The following LRRC4C variants were observed in gnomAD, a reference collection of about 807,000 sequenced individuals.
LRRC4C encodes the protein leucine rich repeat containing 4C, also known as leucine-rich repeat-containing protein 4C.
Under a neutral mutation model 33.6 loss-of-function variants are expected in LRRC4C, and 5 were observed. That is an observed-to-expected ratio of 0.15 (90% CI 0.08 to 0.31). LRRC4C has a LOEUF of 0.31. Among genes scored for constraint, LRRC4C ranks in the 10% least tolerant of loss-of-function variants. The probability of loss-of-function intolerance (pLI) is 1.00; values close to 1 mark genes in which losing one functional copy is unlikely to be tolerated. For missense variants in LRRC4C, 560 were observed against 796.7 expected (o/e 0.70, Z 3.58); for synonymous variants, 329 against 302.0 (o/e 1.09, Z -0.93).
intron 3 of LRRC4C, among the ~76,000 whole-genome samples, chr11:40,463,109 T>C (rs1952481717): frequency 6.6e-6 from 1 of 152,102 alleles, no homozygotes. Context: ...TGCTGACCAA[T>C]CCCTGGAGCC....
At chr11:40,693,461 G>A (rs1460264200) in intron 2 of LRRC4C, among the ~76,000 whole-genome samples, 1 of 152,120 alleles carries the variant, frequency 6.6e-6, no homozygotes, top group African/African-American at 2.4e-5. Flanking sequence ...TCTGAATGAA[G>A]CAAAGTACAT....
intron 3 of LRRC4C, among the ~76,000 whole-genome samples, chr11:40,367,084 G>T (rs914931164): frequency 6.6e-6 from 1 of 151,994 alleles, no homozygotes; most frequent in African/African-American, 2.4e-5. Context: ...TTTAATACCT[G>T]CATCCTCATT....
intron 1 of LRRC4C, among the ~76,000 whole-genome samples, chr11:41,142,740 G>A (rs1943563730): frequency 6.6e-6 from 1 of 152,112 alleles, no homozygotes; most frequent in Admixed American, 6.6e-5. Flanking sequence ...AGTGCTCTAT[G>A]TTTTGATGCA....
At chr11:41,193,612 TC>T (rs1389838587) in intron 1 of LRRC4C, among the ~76,000 whole-genome samples, 1 of 152,096 alleles carries the variant, frequency 6.6e-6, no homozygotes, top group Non-Finnish European at 1.5e-5. Flanking sequence ...GTGAAGGGTA[TC>T]AAGACACGGA....
chr11:41,252,589 T>C (rs1948675572), intron 1 of LRRC4C, among the ~76,000 whole-genome samples: 1 of 152,168 alleles, frequency 6.6e-6, no homozygotes, highest in Non-Finnish European at 1.5e-5. Flanking sequence ...TCTGTTTTTG[T>C]AATACTATTT....
At chr11:40,684,457 A>T (rs916762283) in intron 2 of LRRC4C, among the ~76,000 whole-genome samples, 13 of 152,122 alleles carry the variant, frequency 8.5e-5, no homozygotes, top group South Asian at 6.2e-4. Context: ...AATGCATAAA[A>T]GATATTAAAA....
chr11:41,395,247 A>G (rs901107555), intron 1 of LRRC4C, among the ~76,000 whole-genome samples: 3 of 152,030 alleles, frequency 2.0e-5, no homozygotes, highest in Non-Finnish European at 4.4e-5. Context: ...TGTGTACACC[A>G]ATAAAAGCTT....
At chr11:40,555,202 T>G (rs921877910) in intron 3 of LRRC4C, among the ~76,000 whole-genome samples, 2 of 152,184 alleles carry the variant, frequency 1.3e-5, no homozygotes, top group East Asian at 3.9e-4. Context: ...GAAAGAGAGA[T>G]AATTTTCCTT....
intron 2 of LRRC4C, among the ~76,000 whole-genome samples, chr11:40,705,621 G>A (rs1946126574): frequency 6.6e-6 from 1 of 151,884 alleles, no homozygotes; most frequent in Non-Finnish European, 1.5e-5. Context: ...GGACATATGG[G>A]TTGGTTCCAA....
chr11:40,592,770 G>A (rs1959115239), intron 3 of LRRC4C, among the ~76,000 whole-genome samples: 1 of 152,108 alleles, frequency 6.6e-6, no homozygotes, highest in Non-Finnish European at 1.5e-5. Flanking sequence ...TACTTCCATG[G>A]CTGTGATCTA....
At chr11:41,435,122 T>C (rs1158455117) in intron 1 of LRRC4C, among the ~76,000 whole-genome samples, 1 of 152,138 alleles carries the variant, frequency 6.6e-6, no homozygotes, top group Non-Finnish European at 1.5e-5. Flanking sequence ...TTTACATAGA[T>C]AGGATATTGA....
At chr11:40,930,611 C>T (rs1041088042) in intron 2 of LRRC4C, among the ~76,000 whole-genome samples, 5 of 152,158 alleles carry the variant, frequency 3.3e-5, no homozygotes, top group Non-Finnish European at 7.4e-5. Flanking sequence ...TGAGAGACCT[C>T]CCATCTTAAA....
At chr11:41,252,926 C>T (rs566219369) in intron 1 of LRRC4C, among the ~76,000 whole-genome samples, 2 of 152,262 alleles carry the variant, frequency 1.3e-5, no homozygotes, top group South Asian at 2.1e-4. Flanking sequence ...TCAATTACCT[C>T]CCACTGTGTC....
intron 2 of LRRC4C, among the ~76,000 whole-genome samples, chr11:40,783,408 G>C (rs1488735995): frequency 1.3e-5 from 2 of 152,110 alleles, no homozygotes; most frequent in South Asian, 2.1e-4. Flanking sequence ...TGACTCTCCT[G>C]CCTCAGCATC....
In LRRC4C at chr11:40,594,763, C is replaced by G. The variant is rs567313584; in HGVS notation, c.-270+53379G>C. Among the ~76,000 whole-genome samples, 467 of 152,204 alleles carry G rather than the reference C, an allele frequency of 3.1e-3. 6 individuals carry two copies. Among genetic ancestry groups the G allele is most frequent in the African/African-American group, 0.011 (445 of 41,552 alleles). On this transcript the variant is annotated intron_variant, in intron 3 of 6. Coordinates refer to ENST00000528697, the MANE Select transcript of LRRC4C (RefSeq NM_001258419.2). ...GTGTCTCCAGTCATTGAAATAAGTACTGAGCAATTATCAAAATAACATTTG... is the reference window on the plus strand; with the variant it reads ...GTGTCTCCAGTCATTGAAATAAGTAGTGAGCAATTATCAAAATAACATTTG...
At chr11:40,591,728 T>G (rs1959068005) in intron 3 of LRRC4C, among the ~76,000 whole-genome samples, 1 of 152,226 alleles carries the variant, frequency 6.6e-6, no homozygotes, top group South Asian at 2.1e-4. Flanking sequence ...TTATGCCTCA[T>G]TAGTGACCTT....
chr11:41,137,635 A>G (rs1287917923), intron 1 of LRRC4C, among the ~76,000 whole-genome samples: 2 of 152,220 alleles, frequency 1.3e-5, no homozygotes, highest in Non-Finnish European at 2.9e-5. Flanking sequence ...AATTAACCAC[A>G]ACCAAAATAT....
intron 2 of LRRC4C, among the ~76,000 whole-genome samples, chr11:40,821,402 G>A (rs1951920585): frequency 6.6e-6 from 1 of 151,458 alleles, no homozygotes; most frequent in South Asian, 2.1e-4. Context: ...TTAATATAAA[G>A]CCACAATAAT....
intron 1 of LRRC4C, among the ~76,000 whole-genome samples, chr11:40,949,464 G>C (rs1283294483): frequency 6.6e-6 from 1 of 152,036 alleles, no homozygotes; most frequent in Non-Finnish European, 1.5e-5. Context: ...GGCAGCCAGA[G>C]AGAAAGGTCA....
Sources: gnomAD v4.1 joint callset for allele counts (sites outside exome capture counted in the v4.1 genomes callset) on GRCh38, gnomAD v4.1.1 for gene constraint, MANE v1.5 for transcripts, NCBI Gene and HGNC (gene_info 2026-07-23, HGNC 2026-07-21) for gene names.